The following PRMT8 variants were observed in gnomAD, a reference collection of about 807,000 sequenced individuals.
PRMT8 encodes the protein protein arginine N-methyltransferase 8.
In PRMT8, 7 loss-of-function variants were observed where a neutral mutation model predicts 47.1. The observed-to-expected ratio is 0.15, with a 90% CI of 0.08 to 0.28. The LOEUF (loss-of-function observed/expected upper bound fraction) is 0.28, where lower values mean the gene tolerates loss of function less well. Ranked by LOEUF, PRMT8 falls within the 10% of genes least tolerant of loss-of-function variation. The probability of loss-of-function intolerance (pLI) is 1.00; values close to 1 mark genes in which losing one functional copy is unlikely to be tolerated. For synonymous variants in PRMT8, 188 were observed against 186.5 expected (o/e 1.01, Z -0.07); for missense variants, 237 against 505.4 (o/e 0.47, Z 5.09).
At chr12:3,404,248 A>T (rs1419651948) in intron 1 of PRMT8, among the ~76,000 whole-genome samples, 3 of 152,200 alleles carry the variant, frequency 2.0e-5, no homozygotes, top group Admixed American at 6.5e-5. Context: ...CATAAAATAT[A>T]TATCATTTTT....
rs1866429540 is a variant in PRMT8, at chr12:3,552,001, G to A, written c.418-1650G>A. ...AAAAGAAAAGAATCGGCAGAGGCTG[G>A]TGGATCACCTGAGGTCAGGAGTTCA... On this transcript the variant is annotated intron_variant, in intron 3 of 9. Coordinates refer to ENST00000382622, the MANE Select transcript of PRMT8 (RefSeq NM_019854.5). This position sits in a 1 kb window ranked among gnomAD's most constrained non-coding sequence, Gnocchi z 4.5. 1 of 152,436 alleles carries A rather than the reference G, an allele frequency of 6.6e-6. No homozygotes were observed. Among genetic ancestry groups the A allele is most frequent in the Non-Finnish European group, 1.5e-5 (1 of 68,186 alleles). 9.4% of individuals were successfully genotyped at this position (152,436 alleles called of 1,614,324 possible). A position where few individuals can be genotyped will look rare whatever the true frequency, so the allele number is the denominator to read the frequency against.
At chr12:3,457,695 C>G (rs1480556013) in intron 1 of PRMT8, among the ~76,000 whole-genome samples, 1 of 152,020 alleles carries the variant, frequency 6.6e-6, no homozygotes, top group South Asian at 2.1e-4. Flanking sequence ...TTTCGAACCA[C>G]ACATAGTTGA....
intron 7 of PRMT8, among the ~76,000 whole-genome samples, chr12:3,579,274 C>T (rs1027361384): frequency 6.6e-6 from 1 of 152,120 alleles, no homozygotes; most frequent in Admixed American, 6.5e-5. Context: ...ATTCTTGGAC[C>T]CCAGGTTGCT....
rs181488091 is a variant in PRMT8, at chr12:3,401,660, C to G, written c.48+20218C>G. The stretch of plus-strand genomic sequence containing the variant: ...ATATAAAATCAGTGTGCAAAAATTG[C>G]TAGCATTCTTATACGCCAACAACAC... On this transcript the variant is annotated intron_variant, in intron 1 of 9. Transcript: ENST00000452611. 4.6e-5 allele frequency among the ~76,000 whole-genome samples: 7 copies of G among 152,192 alleles called. No homozygotes were observed. The East Asian group carries it at 1.4e-3, about 29-fold the overall frequency.
At chr12:3,575,459 T>C (rs1866921126) in intron 6 of PRMT8, among the ~76,000 whole-genome samples, 1 of 152,232 alleles carries the variant, frequency 6.6e-6, no homozygotes, top group Non-Finnish European at 1.5e-5. Context: ...AAAGCTGTCC[T>C]CTCTGCACTG....
chr12:3,510,488 A>T (rs1217269480), intron 1 of PRMT8, among the ~76,000 whole-genome samples: 1 of 152,216 alleles, frequency 6.6e-6, no homozygotes, highest in Non-Finnish European at 1.5e-5. Context: ...ATCACTATAC[A>T]TCCTATGTAT....
chr12:3,491,886 GTGTTGGT>G (rs1865414620), intron 1 of PRMT8, among the ~76,000 whole-genome samples, 186 bp downstream of exon 1: 2 of 80,302 alleles, frequency 2.5e-5, no homozygotes, highest in African/African-American at 5.0e-5. Flanking sequence ...GTGTGTGTGT[GTGTTGGT>G]GGGGGGTGGG....
chr12:3,476,454 G>A (rs1452675189), intron 1 of PRMT8, among the ~76,000 whole-genome samples: 2 of 152,096 alleles, frequency 1.3e-5, no homozygotes, highest in East Asian at 3.9e-4. Context: ...GTGAACCAGG[G>A]AAGTGCCTGC....
chr12:3,401,826 A>G (rs1864320710), intron 1 of PRMT8, among the ~76,000 whole-genome samples: 1 of 152,246 alleles, frequency 6.6e-6, no homozygotes, highest in African/African-American at 2.4e-5. Flanking sequence ...CAAAGAAATC[A>G]GAGAGGACAC....
rs1020887496 is a variant in PRMT8, at chr12:3,570,417, C to G, written c.712+853C>G. Among the ~76,000 whole-genome samples the G allele has an allele frequency of 3.3e-5, 5 of 152,200 alleles. No individual in the cohort carries two copies. Among genetic ancestry groups the G allele is most frequent in the Non-Finnish European group, 5.9e-5 (4 of 68,044 alleles). On this transcript the variant is annotated intron_variant, in intron 6 of 9. Coordinates refer to ENST00000382622, the MANE Select transcript of PRMT8 (RefSeq NM_019854.5). This position sits in a 1 kb window ranked among gnomAD's most constrained non-coding sequence, Gnocchi z 5.5. ...AGGAGCAAAGAACCCCTCAAACAGG[C>G]AAACACCCAAAAATCCAAATTAAAG...
upstream of PRMT8, among the ~76,000 whole-genome samples, chr12:3,489,130 C>G (rs1191744348): frequency 6.6e-6 from 1 of 152,130 alleles, no homozygotes; most frequent in East Asian, 1.9e-4. Flanking sequence ...AAATATAGCT[C>G]TCCATCTCAG....
intron 1 of PRMT8, among the ~76,000 whole-genome samples, chr12:3,392,930 T>A (rs1422096033): frequency 6.6e-6 from 1 of 152,216 alleles, no homozygotes; most frequent in Admixed American, 6.5e-5. Context: ...GGTATCTCAT[T>A]GTGGTTTTGA....
At chr12:3,484,499 T>C (rs1409366250) in intron 1 of PRMT8, among the ~76,000 whole-genome samples, 2 of 152,212 alleles carry the variant, frequency 1.3e-5, no homozygotes, top group Non-Finnish European at 2.9e-5. Context: ...ATACGGTCTT[T>C]TAGGACGAGC....
intron 1 of PRMT8, among the ~76,000 whole-genome samples, chr12:3,429,897 G>T (rs552372328): frequency 6.6e-6 from 1 of 152,344 alleles, no homozygotes; most frequent in African/African-American, 2.4e-5. Context: ...ATGCTCCACA[G>T]GGCAGGCCTA....
chr12:3,565,885 C>G (rs1195631482), intron 4 of PRMT8, among the ~76,000 whole-genome samples: 1 of 152,096 alleles, frequency 6.6e-6, no homozygotes, highest in Admixed American at 6.5e-5. Context: ...TCCTGCAGCT[C>G]CTAATAGAGT....
chr12:3,471,861 A>G (rs1039581942), intron 1 of PRMT8, among the ~76,000 whole-genome samples: 2 of 151,726 alleles, frequency 1.3e-5, no homozygotes, highest in African/African-American at 4.8e-5. Context: ...CTTGCCAAAG[A>G]TGGGCTTTTT....
Position 3,568,352 on chromosome 12 carries a change from A to G in PRMT8, c.482-354A>G, listed in dbSNP as rs147109447. Among the ~76,000 whole-genome samples the G allele has an allele frequency of 7.3e-3, 1,098 of 151,292 alleles. 13 individuals carry two copies. The highest frequency in any genetic ancestry group is 0.025 in the African/African-American group (1,033 of 40,972). ...GCAGGCACACTTGGTGTAAATAAAA[A>G]AAAAAAATCTGCGTGTTCGTGGACC... On this transcript the variant is annotated intron_variant, in intron 4 of 9. Transcript: ENST00000382622.
chr12:3,484,103 A>G (rs1865299776), intron 1 of PRMT8, among the ~76,000 whole-genome samples: 1 of 152,164 alleles, frequency 6.6e-6, no homozygotes, highest in African/African-American at 2.4e-5. Flanking sequence ...CCTCCTTTGT[A>G]AACCCCTGAA....
At position 3,570,912 on chromosome 12, in the gene PRMT8, G is replaced by T. The variant is rs2137209848; in HGVS notation, c.712+1348G>T. 1.3e-5 allele frequency among the ~76,000 whole-genome samples: 2 copies of T among 152,288 alleles called. No individual in the cohort carries two copies. The highest frequency in any genetic ancestry group is 6.8e-3 in the Middle Eastern group (2 of 294). ...AAATACCAAATGAGGACAGTGAGAG[G>T]CAGGGGGGCCCAGGTTAAATGCTTT... On this transcript the variant is annotated intron_variant, in intron 6 of 9. Transcript: ENST00000382622. The surrounding 1 kb of genome is among the most constrained non-coding windows in gnomAD (Gnocchi z 5.5).
Sources: gnomAD v4.1 joint callset for allele counts (sites outside exome capture counted in the v4.1 genomes callset) on GRCh38, gnomAD v4.1.1 for gene constraint, Gnocchi (gnomAD v3.1) non-coding constraint, MANE v1.5 for transcripts, NCBI Gene and HGNC (gene_info 2026-07-23, HGNC 2026-07-21) for gene names.